The following LRRC56 variants were observed in gnomAD, a reference collection of about 807,000 sequenced individuals.
The protein encoded by LRRC56 is leucine-rich repeat-containing protein 56.
Under a neutral mutation model 47.8 loss-of-function variants are expected in LRRC56, and 41 were observed. The observed-to-expected ratio is 0.86, with a 90% CI of 0.67 to 1.11. LRRC56 has a LOEUF of 1.11. LRRC56 is among the 50% of genes most tolerant of loss of function. The pLI, the probability that LRRC56 is intolerant of heterozygous loss-of-function variation, is 0.00. For synonymous variants in LRRC56, 387 were observed against 311.2 expected, an observed-to-expected ratio of 1.24 and a Z score of -2.56; for missense variants, 759 against 704.2, an observed-to-expected ratio of 1.08 and a Z score of -0.88.
intron 6 of LRRC56, among the ~76,000 whole-genome samples, chr11:549,200 G>A (rs1419463764): frequency 1.3e-5 from 2 of 152,258 alleles, no homozygotes; most frequent in Non-Finnish European, 2.9e-5. Flanking sequence ...CAGCCCTGGA[G>A]GAATCTGTGG....
At chr11:543,132 T>C (rs1173317430) in intron 5 of LRRC56, among the ~76,000 whole-genome samples, 3 of 149,056 alleles carry the variant, frequency 2.0e-5, no homozygotes, top group Non-Finnish European at 3.0e-5. Flanking sequence ...CCTCAAGTGA[T>C]CCACCCACCT....
the LRRC56 span, among the ~76,000 whole-genome samples, chr11:509,227 G>A: frequency 2.0e-5 from 3 of 152,094 alleles, no homozygotes. Context: ...TGGATGTGAG[G>A]TTTAGAATTC....
At chr11:522,551 C>A in the LRRC56 span, among the ~76,000 whole-genome samples, 1 of 152,164 alleles carries the variant, frequency 6.6e-6, no homozygotes, top group African/African-American at 2.4e-5. Flanking sequence ...CAGGCGTGAG[C>A]CACCGCACCT....
chr11:530,830 C>G, the LRRC56 span, among the ~76,000 whole-genome samples: 66 of 14,736 alleles, frequency 4.5e-3, no homozygotes, highest in African/African-American at 0.03. Flanking sequence ...GTCCCCTGGA[C>G]AGAAGGGGGA....
At chr11:542,539 C>T (rs1851845275) in intron 5 of LRRC56, among the ~76,000 whole-genome samples, 1 of 145,284 alleles carries the variant, frequency 6.9e-6, no homozygotes, top group East Asian at 2.1e-4. Flanking sequence ...TGAGATTGCA[C>T]CGCTGCACTC....
chr11:553,946 C>T lies in LRRC56; in HGVS notation c.1316-17C>T, dbSNP rs780496367. The T allele has an allele frequency of 3.1e-6, 5 of 1,606,350 alleles. No individual in the cohort carries two copies. In the South Asian group the frequency reaches 4.4e-5, roughly 14 times the overall value. On this transcript the variant is annotated splice_polypyrimidine_tract_variant and intron_variant, in intron 13 of 13. Transcript: ENST00000270115. ...TGACAGCCTTTCTGACGTCCCATCACTCTGCTTGCTTTCTAGAGCCCTCCG... is the reference window on the plus strand; with the variant it reads ...TGACAGCCTTTCTGACGTCCCATCATTCTGCTTGCTTTCTAGAGCCCTCCG...
At chr11:506,792 C>T in the LRRC56 span, 1 of 152,320 alleles carries the variant, frequency 6.6e-6, no homozygotes. Context: ...GCTTGACGGC[C>T]ACGTGAGGAC....
chr11:515,683 C>G, the LRRC56 span, among the ~76,000 whole-genome samples: 1 of 151,924 alleles, frequency 6.6e-6, no homozygotes. Flanking sequence ...ACTAAAAATA[C>G]AAAAAGTAGC....
At chr11:521,206 A>G in the LRRC56 span, among the ~76,000 whole-genome samples, 1 of 152,190 alleles carries the variant, frequency 6.6e-6, no homozygotes, top group South Asian at 2.1e-4. Context: ...CGACTGCCTC[A>G]GGCCTCCCTG....
At position 551,803 on chromosome 11, in the gene LRRC56, G is replaced by T; in HGVS notation, c.949G>T (p.Asp317Tyr). ...GCTTTCTGAGGACCTGGCCCCAGAA[G>T]ATAACACCAGCAGCCTCACCCATGG... ...GLLSEDLAPEDNTSSLTHGAG... is the reference protein window; with the variant it reads ...GLLSEDLAPEYNTSSLTHGAG... The change falls in exon 10 of 14, where the codon GAT becomes TAT. Residue 317 changes from aspartate to tyrosine, a missense_variant. Coordinates refer to ENST00000270115, the MANE Select transcript of LRRC56 (RefSeq NM_198075.4). 1 of 1,608,130 alleles carries T rather than the reference G, an allele frequency of 6.2e-7. No individual in the cohort carries two copies.
upstream of LRRC56, chr11:535,493 C>T (rs1404964598): frequency 2.0e-5 from 3 of 147,330 alleles, no homozygotes; most frequent in South Asian, 1.9e-4. Context: ...GCGCGCGGTT[C>T]GCCCCGCGCA....
At chr11:534,075 C>T (rs879158955), upstream of LRRC56, 21 of 1,186,138 alleles carry the variant, frequency 1.8e-5, no homozygotes, top group South Asian at 1.8e-4. Context: ...ACGAGGGACT[C>T]CCCTCCTCTA....
chr11:532,464 C>T, the LRRC56 span: 1 of 893,814 alleles, frequency 1.1e-6, no homozygotes, highest in Non-Finnish European at 1.7e-6. Context: ...TCCTTCCTTC[C>T]TCCTCCTTCC....
the LRRC56 span, among the ~76,000 whole-genome samples, chr11:515,123 CCACA>C: frequency 1.3e-5 from 2 of 152,146 alleles, no homozygotes; most frequent in African/African-American, 4.8e-5. Context: ...CCAAGAAGAC[CCACA>C]AGGCCTGGCC....
rs1015571009 is a variant in LRRC56, at chr11:538,584, A to C, written c.-421-14A>C. 6.6e-6 allele frequency: 1 copy of C among 152,284 alleles called. No individual in the cohort carries two copies. The highest frequency in any genetic ancestry group is 1.9e-4 in the East Asian group (1 of 5,186). 9.4% of individuals were successfully genotyped at this position (152,284 alleles called of 1,614,324 possible). ...CCCCGCTCCAACACTCCCACCCACCACCTCTGTCAACAGCCGGCCAACTCG... is the reference window on the plus strand; with the variant it reads ...CCCCGCTCCAACACTCCCACCCACCCCCTCTGTCAACAGCCGGCCAACTCG... On this transcript the variant is annotated splice_polypyrimidine_tract_variant and intron_variant, in intron 1 of 13. Transcript: ENST00000270115.
Position 554,540 on chromosome 11 carries a change from C to T in LRRC56, c.*264C>T. 1 of 419,436 alleles carries T rather than the reference C, an allele frequency of 2.4e-6. No homozygotes were observed. Among genetic ancestry groups the T allele is most frequent in the East Asian group, 3.6e-5 (1 of 27,792 alleles). The allele number at this position is 419,436 out of a possible 1,614,324, so 26.0% of individuals were successfully genotyped here. A position where few individuals can be genotyped will look rare whatever the true frequency, so the allele number is the denominator to read the frequency against. On this transcript the variant is annotated 3_prime_UTR_variant, in exon 14 of 14. Transcript: ENST00000270115. ...CAGCCCTTCCTTAGGGCCAGGCTTT[C>T]CCGCGGGCACGGGGGTGGGGGGTGG...
At chr11:511,851 AC>A in the LRRC56 span, among the ~76,000 whole-genome samples, 12 of 151,510 alleles carry the variant, frequency 7.9e-5, no homozygotes, top group South Asian at 2.1e-4. Context: ...AACACCAGCC[AC>A]CCCCCACACA....
At chr11:525,558 A>AAAAAG in the LRRC56 span, among the ~76,000 whole-genome samples, 3 of 151,116 alleles carry the variant, frequency 2.0e-5, no homozygotes, top group African/African-American at 7.3e-5. Flanking sequence ...AAAGAAAAAA[A>AAAAAG]AAAAAATCTC....
chr11:517,100 T>G, the LRRC56 span, among the ~76,000 whole-genome samples: 1 of 152,228 alleles, frequency 6.6e-6, no homozygotes, highest in African/African-American at 2.4e-5. Flanking sequence ...TCTGCCCGCC[T>G]CGGCCTCCCG....
Sources: gnomAD v4.1 joint callset for allele counts (sites outside exome capture counted in the v4.1 genomes callset) on GRCh38, gnomAD v4.1.1 for gene constraint, MANE v1.5 for transcripts, NCBI Gene and HGNC (gene_info 2026-07-23, HGNC 2026-07-21) for gene names.